Variants in SPAG9 observed in about 807,000 individuals in gnomAD.
SPAG9 encodes C-Jun-amino-terminal kinase-interacting protein 4.
A neutral mutation model predicts 166.5 loss-of-function variants in SPAG9; 35 were observed. That is an observed-to-expected ratio of 0.21 (90% CI 0.16 to 0.28). The LOEUF (loss-of-function observed/expected upper bound fraction) is 0.28. Among genes scored for constraint, SPAG9 ranks in the 10% least tolerant of loss-of-function variants. SPAG9 has a pLI of 1.00. For missense variants in SPAG9, 1,235 were observed against 1,603.3 expected, an observed-to-expected ratio of 0.77 and a Z score of 3.92; for synonymous variants, 534 against 565.5, an observed-to-expected ratio of 0.94 and a Z score of 0.79.
chr17:51,075,005 T>C (rs1466124962), intron 2 of SPAG9, among the ~76,000 whole-genome samples: 1 of 151,890 alleles, frequency 6.6e-6, no homozygotes, highest in Non-Finnish European at 1.5e-5. Flanking sequence ...AAGACCAGCC[T>C]GGCCAACATA....
chr17:51,102,446 A>C (rs1232231274), intron 1 of SPAG9, among the ~76,000 whole-genome samples: 1 of 151,820 alleles, frequency 6.6e-6, no homozygotes, highest in Admixed American at 6.6e-5. Flanking sequence ...AATGTCTAAC[A>C]TAAGAGAAGA....
chr17:51,006,248 C>T lies in SPAG9; in HGVS notation c.1272-11G>A. On this transcript the variant is annotated splice_polypyrimidine_tract_variant and intron_variant, in intron 10 of 29. Coordinates refer to ENST00000262013, the MANE Select transcript of SPAG9 (RefSeq NM_001130528.3). ...ATGTTCAAAGCATTTCTAAGAAACA[C>T]ATATTTCAAGTGCATCATTACAAAT... The T allele has an allele frequency of 6.2e-7, 1 of 1,612,286 alleles. No homozygotes were observed. The highest frequency in any genetic ancestry group is 8.5e-7 in the Non-Finnish European group (1 of 1,178,886).
At chr17:51,075,421 T>C (rs1443107303) in intron 2 of SPAG9, among the ~76,000 whole-genome samples, 2 of 152,062 alleles carry the variant, frequency 1.3e-5, no homozygotes, top group African/African-American at 4.8e-5. Context: ...TAAAGGTACT[T>C]TGATATCAAA....
intron 5 of SPAG9, among the ~76,000 whole-genome samples, chr17:51,036,895 C>T (rs2046608666): frequency 6.6e-6 from 1 of 152,112 alleles, no homozygotes; most frequent in Non-Finnish European, 1.5e-5. Flanking sequence ...AATACTATAC[C>T]ACCTTAATAA....
rs1179792305 is a variant in SPAG9 at position 51,037,691 on chromosome 17, T to TATATATATATATATATATA, written c.741+3809_741+3810insTATATATATATATATATAT. Among the ~76,000 whole-genome samples, 77 of 90,588 alleles carry TATATATATATATATATATA rather than the reference T, an allele frequency of 8.5e-4. 1 individual carries two copies. The highest frequency in any genetic ancestry group is 1.2e-3 in the Non-Finnish European group (47 of 40,530). 59.4% of individuals were successfully genotyped at this position (90,588 alleles called of 152,430 possible). Reference sequence around the variant, plus strand: ...TATATATATATATATATATAGTGTGTGTGTGTGTGTGTGTGTGTGTGTGTG... The same window carrying TATATATATATATATATATA: ...TATATATATATATATATATAGTGTGTATATATATATATATATATAGTGTGTGTGTGTGTGTGTGTGTGTG... On this transcript the variant is annotated intron_variant, in intron 5 of 29. Coordinates refer to ENST00000262013, the MANE Select transcript of SPAG9 (RefSeq NM_001130528.3).
Position 50,989,835 on chromosome 17 carries a change from A to C in SPAG9, c.2655T>G (p.Val885=). 3.1e-6 allele frequency: 5 copies of C among 1,614,144 alleles called. No homozygotes were observed. In the South Asian group the frequency reaches 4.4e-5, roughly 14 times the overall value. ...EAENSEVDEN[V]PTAEEATEAT... Reference sequence around the variant, plus strand: ...CTTCAGTTGCTTCTTCTGCTGTTGGAACATTTTCATCAACCTCACTATTTT... The same window carrying C: ...CTTCAGTTGCTTCTTCTGCTGTTGGCACATTTTCATCAACCTCACTATTTT... The change falls in exon 21 of 30, where the codon GTT becomes GTG. Residue 885 remains valine, a synonymous_variant. Coordinates refer to ENST00000262013, the MANE Select transcript of SPAG9 (RefSeq NM_001130528.3).
At chr17:51,056,041 A>G (rs1409685499) in intron 3 of SPAG9, among the ~76,000 whole-genome samples, 2 of 152,202 alleles carry the variant, frequency 1.3e-5, no homozygotes, top group Non-Finnish European at 1.5e-5. Context: ...CTTTACCAAT[A>G]ACTTACCAAT....
At chr17:51,075,212 AAAAAAAAAAG>A (rs1217488738) in intron 2 of SPAG9, among the ~76,000 whole-genome samples, 5 of 150,322 alleles carry the variant, frequency 3.3e-5, no homozygotes, top group African/African-American at 1.2e-4. Context: ...AAAAAAAAAA[AAAAAAAAAAG>A]AAGAAGAAGA....
At chr17:50,998,272 C>T (rs891345772) in intron 15 of SPAG9, 172 bp downstream of exon 15, 16 of 489,410 alleles carry the variant, frequency 3.3e-5, no homozygotes, top group African/African-American at 7.8e-5. Flanking sequence ...CCTTGTGATC[C>T]GCCCACCTCG....
intron 16 of SPAG9, chr17:50,995,812 G>T: frequency 3.0e-6 from 1 of 334,344 alleles, no homozygotes; most frequent in Non-Finnish European, 5.4e-6. Flanking sequence ...TACAGGCACA[G>T]GCCACCACAC....
intron 1 of SPAG9, among the ~76,000 whole-genome samples, chr17:51,101,081 C>T (rs1023275429): frequency 6.6e-5 from 10 of 152,002 alleles, no homozygotes; most frequent in African/African-American, 2.2e-4. Context: ...GGCATGGTGG[C>T]TCATGCCTGT....
intron 28 of SPAG9, among the ~76,000 whole-genome samples, chr17:50,973,698 T>C (rs944680282): frequency 1.3e-5 from 2 of 152,162 alleles, no homozygotes; most frequent in Admixed American, 6.5e-5. Flanking sequence ...ACAACAGACT[T>C]TGAGTAAAGC....
At chr17:50,980,759 A>T (rs1974536184) in intron 25 of SPAG9, among the ~76,000 whole-genome samples, 1 of 152,030 alleles carries the variant, frequency 6.6e-6, no homozygotes, top group African/African-American at 2.4e-5. Context: ...GCTACTTGGG[A>T]GGCTGAGGTG....
intron 19 of SPAG9, among the ~76,000 whole-genome samples, chr17:50,993,232 C>T (rs1474472745): frequency 2.0e-5 from 3 of 149,364 alleles, no homozygotes; most frequent in Non-Finnish European, 4.4e-5. Flanking sequence ...AGGAGAATCA[C>T]TTGAACCTGG....
chr17:51,005,084 G>T, intron 12 of SPAG9, 128 bp downstream of exon 12: 2 of 755,106 alleles, frequency 2.6e-6, no homozygotes, highest in Non-Finnish European at 4.4e-6. Context: ...TCCTATTCAT[G>T]ACCATAAACA....
intron 3 of SPAG9, among the ~76,000 whole-genome samples, chr17:51,056,055 TA>T (rs2047354564): frequency 6.6e-6 from 1 of 152,200 alleles, no homozygotes; most frequent in Non-Finnish European, 1.5e-5. Context: ...TACCAATCCA[TA>T]ATTTCCAAAC....
chr17:51,019,642 TG>T (rs1430643470), intron 8 of SPAG9, among the ~76,000 whole-genome samples: 2 of 151,610 alleles, frequency 1.3e-5, no homozygotes, highest in African/African-American at 4.9e-5. Context: ...CACCTGAGGT[TG>T]GGAGTTCGAG....
intron 7 of SPAG9, 26 bp downstream of exon 7, chr17:51,021,132 G>T: frequency 6.3e-7 from 1 of 1,581,848 alleles, no homozygotes. Flanking sequence ...TACTTTCCTA[G>T]TAAGTAAAGA....
intron 28 of SPAG9, among the ~76,000 whole-genome samples, chr17:50,971,450 T>G (rs1597875902): frequency 1.3e-5 from 2 of 150,072 alleles, no homozygotes; most frequent in African/African-American, 4.9e-5. Flanking sequence ...GCTGCCTGCT[T>G]CAAACTACCT....
Sources: allele counts gnomAD v4.1 joint callset (sites outside exome capture counted in the v4.1 genomes callset), GRCh38; gene constraint gnomAD v4.1.1; transcripts MANE v1.5; gene names NCBI Gene and HGNC (gene_info 2026-07-23, HGNC 2026-07-21).